Variants in BRDT observed in about 807,000 individuals in gnomAD.
BRDT encodes the protein bromodomain testis associated.
In BRDT, 77 loss-of-function variants were observed where a neutral mutation model predicts 113.9. That is an observed-to-expected ratio of 0.68 (90% CI 0.56 to 0.82). The LOEUF (loss-of-function observed/expected upper bound fraction) is 0.82, where lower values mean the gene tolerates loss of function less well. Ranked by LOEUF, BRDT falls within the 40% of genes least tolerant of loss-of-function variation. The pLI, the probability that BRDT is intolerant of heterozygous loss-of-function variation, is 0.00. For missense variants in BRDT, 1,027 were observed against 1,105.4 expected, an observed-to-expected ratio of 0.93 and a Z score of 1.01; for synonymous variants, 358 against 366.5, an observed-to-expected ratio of 0.98 and a Z score of 0.26.
In BRDT at chr1:91,979,319, G is replaced by A. The variant is rs551301625; in HGVS notation, c.1099-250G>A. Reference sequence around the variant, plus strand: ...GCAGAGACGGGGTTTCTCCATGTTGGTCAGGCTGGTCTTGATCTCCCCCAT... The same window carrying A: ...GCAGAGACGGGGTTTCTCCATGTTGATCAGGCTGGTCTTGATCTCCCCCAT... On this transcript the variant is annotated intron_variant, in intron 7 of 18. Coordinates refer to ENST00000399546, the MANE Select transcript of BRDT (RefSeq NM_207189.4). 4.6e-5 allele frequency among the ~76,000 whole-genome samples: 7 copies of A among 151,942 alleles called. No individual in the cohort carries two copies. In the South Asian group the frequency reaches 1.5e-3, roughly 32 times the overall value.
At chr1:92,006,669 T>C (rs1687337511) in intron 18 of BRDT, among the ~76,000 whole-genome samples, 1 of 152,132 alleles carries the variant, frequency 6.6e-6, no homozygotes, top group Non-Finnish European at 1.5e-5. Context: ...GGTTTCACCA[T>C]GTTAGGCAGG....
intron 15 of BRDT, among the ~76,000 whole-genome samples, chr1:91,997,146 A>T (rs1315889781): frequency 6.6e-6 from 1 of 152,144 alleles, no homozygotes; most frequent in Non-Finnish European, 1.5e-5. Context: ...AATCAAAAGT[A>T]TCACATACTG....
rs77315110 is a variant in BRDT at position 92,002,994 on chromosome 1, C to A, written c.2388+845C>A. ...TGTTCCATTACCCTCTACTTCTTAC[C>A]TTTTCCTTGCAAGTACTTTAGAGGA... On this transcript the variant is annotated intron_variant, in intron 16 of 18. Transcript: ENST00000399546. Among the ~76,000 whole-genome samples, 904 of 152,198 alleles carry A rather than the reference C, an allele frequency of 5.9e-3. 14 individuals are homozygous for A. The highest frequency in any genetic ancestry group is 0.021 in the African/African-American group (870 of 41,530).
At chr1:91,975,829 A>G (rs917317093) in intron 4 of BRDT, among the ~76,000 whole-genome samples, 14 of 152,228 alleles carry the variant, frequency 9.2e-5, no homozygotes, top group African/African-American at 3.1e-4. Flanking sequence ...AGGTATTGAT[A>G]AGAGAATCCT....
intron 3 of BRDT, among the ~76,000 whole-genome samples, chr1:91,965,721 C>G (rs533943469): frequency 6.4e-4 from 98 of 152,192 alleles, no homozygotes; most frequent in African/African-American, 2.3e-3. Flanking sequence ...GTGGCATGTG[C>G]CTGTAGTCCC....
At chr1:91,998,759 A>C (rs907768820) in intron 15 of BRDT, among the ~76,000 whole-genome samples, 1 of 152,154 alleles carries the variant, frequency 6.6e-6, no homozygotes, top group Non-Finnish European at 1.5e-5. Context: ...TTTGAGCTGG[A>C]TAGTGCAGAA....
intron 16 of BRDT, among the ~76,000 whole-genome samples, chr1:92,002,754 G>C (rs1196980416): frequency 6.6e-6 from 1 of 152,090 alleles, no homozygotes; most frequent in East Asian, 1.9e-4. Flanking sequence ...CCATCTTTTA[G>C]AATCTATTCT....
chr1:92,003,291 G>C (rs910260864), intron 16 of BRDT, among the ~76,000 whole-genome samples: 3 of 152,094 alleles, frequency 2.0e-5, no homozygotes, highest in Non-Finnish European at 2.9e-5. Flanking sequence ...TGGGGCCCTA[G>C]ACAAGTTTTC....
At chr1:91,952,320 G>A (rs1681184265) in intron 1 of BRDT, 1 of 152,170 alleles carries the variant, frequency 6.6e-6, no homozygotes, top group Non-Finnish European at 1.5e-5. Flanking sequence ...AGCCAAGTGT[G>A]ATGTAGGCTG....
chr1:91,971,022 A>G (rs988380760), intron 4 of BRDT, among the ~76,000 whole-genome samples: 2 of 152,042 alleles, frequency 1.3e-5, no homozygotes, highest in African/African-American at 4.8e-5. Context: ...TTATGGCACC[A>G]GCATCTGCTT....
rs1397367032 is a variant in BRDT, at chr1:91,977,085, G to A, written c.661G>A (p.Ala221Thr). Residue 221 changes from alanine to threonine, a missense_variant, in exon 6 of 19, where the codon GCA becomes ACA. Physicochemically the swap from Ala to Thr is moderately conservative, Grantham distance 58. Coordinates refer to ENST00000399546, the MANE Select transcript of BRDT (RefSeq NM_207189.4). ...GAGGAAAGCAGATACAACAACTCCTGCAACTTCAGCAGTTAAAGCAAGTAG... is the reference window on the plus strand; with the variant it reads ...GAGGAAAGCAGATACAACAACTCCTACAACTTCAGCAGTTAAAGCAAGTAG... ...VKRKADTTTP[A>T]TSAVKASSEF... 1.2e-5 allele frequency: 19 copies of A among 1,611,904 alleles called. No individual in the cohort carries two copies. Among genetic ancestry groups the A allele is most frequent in the Non-Finnish European group, 1.5e-5 (18 of 1,179,150 alleles).
chr1:91,967,645 G>C (rs987187809), intron 3 of BRDT, among the ~76,000 whole-genome samples: 1 of 151,974 alleles, frequency 6.6e-6, no homozygotes, highest in Non-Finnish European at 1.5e-5. Context: ...TGATCCGCCC[G>C]CTTCGGCCTC....
chr1:91,996,101 C>A (rs1686306103), intron 15 of BRDT, among the ~76,000 whole-genome samples: 1 of 151,982 alleles, frequency 6.6e-6, no homozygotes, highest in Non-Finnish European at 1.5e-5. Flanking sequence ...TGGAGGATAA[C>A]AGAAGATATG....
At chr1:91,965,572 G>A (rs1046356611) in intron 3 of BRDT, among the ~76,000 whole-genome samples, 18 of 152,028 alleles carry the variant, frequency 1.2e-4, no homozygotes, top group African/African-American at 3.1e-4. Context: ...TGTTCTGGCC[G>A]GGCACGGTGG....
At chr1:91,990,869 C>T (rs951576006) in intron 12 of BRDT, among the ~76,000 whole-genome samples, 31 of 152,154 alleles carry the variant, frequency 2.0e-4, no homozygotes, top group African/African-American at 7.0e-4. Flanking sequence ...GTGATCTTGG[C>T]TCACTGCAAC....
At chr1:92,004,913 T>C (rs576511091) in intron 17 of BRDT, among the ~76,000 whole-genome samples, 24 of 152,254 alleles carry the variant, frequency 1.6e-4, no homozygotes, top group Non-Finnish European at 3.4e-4. Flanking sequence ...GTGGTTCATC[T>C]TGGCCACAGT....
At chr1:91,951,534 C>T (rs1488978481) in intron 1 of BRDT, among the ~76,000 whole-genome samples, 12 of 151,644 alleles carry the variant, frequency 7.9e-5, no homozygotes, top group Admixed American at 6.6e-4. Context: ...CGGTGGCTCA[C>T]GCCTGTAATC....
intron 1 of BRDT, among the ~76,000 whole-genome samples, chr1:91,960,751 A>G (rs1682359564): frequency 6.6e-6 from 1 of 152,244 alleles, no homozygotes; most frequent in South Asian, 2.1e-4. Context: ...AACTAATACT[A>G]CTTTAATGCA....
intron 1 of BRDT, among the ~76,000 whole-genome samples, chr1:91,955,209 G>A (rs1038942933): frequency 3.3e-5 from 5 of 151,814 alleles, no homozygotes; most frequent in East Asian, 1.9e-4. Context: ...TAATCCCAGC[G>A]CTTTGGGAGG....
Sources: gnomAD v4.1 joint callset for allele counts (sites outside exome capture counted in the v4.1 genomes callset) on GRCh38, gnomAD v4.1.1 for gene constraint, MANE v1.5 for transcripts, NCBI Gene and HGNC (gene_info 2026-07-23, HGNC 2026-07-21) for gene names.